The following CA5A variants were observed in gnomAD, a reference collection of about 807,000 sequenced individuals.
CA5A encodes the protein carbonic anhydrase 5A, mitochondrial.
In CA5A, 28 loss-of-function variants were observed where a neutral mutation model predicts 37.1. The ratio of observed to expected loss-of-function variants is 0.75; its 90% CI spans 0.56 to 1.03. The LOEUF is 1.03. Among genes scored for constraint, CA5A ranks in the 50% least tolerant of loss-of-function variants. CA5A has a pLI of 0.00. For synonymous variants in CA5A, 171 were observed against 158.4 expected (o/e 1.08, Z -0.60); for missense variants, 444 against 399.9 (o/e 1.11, Z -0.94).
At chr16:87,912,901 G>A (rs765419215) in intron 2 of CA5A, among the ~76,000 whole-genome samples, 2 of 152,250 alleles carry the variant, frequency 1.3e-5, no homozygotes, top group Non-Finnish European at 2.9e-5. Flanking sequence ...ACTGTCAGGG[G>A]CAGCAGGAGA....
Position 87,932,039 on chromosome 16 carries a change from A to G in CA5A, c.142+4270T>C, listed in dbSNP as rs148570778. On this transcript the variant is annotated intron_variant, in intron 1 of 6. Coordinates refer to ENST00000649794, the MANE Select transcript of CA5A (RefSeq NM_001739.2). ...TGAGGCAGGAGAATCACTTGAACTC[A>G]GGAGGTGGAGGTTGCAGTGAGCTGA... 7.9e-5 allele frequency among the ~76,000 whole-genome samples: 12 copies of G among 151,242 alleles called. No individual in the cohort carries two copies. In the East Asian group the frequency reaches 2.2e-3, roughly 28 times the overall value.
intron 6 of CA5A, 90 bp downstream of exon 6, chr16:87,891,708 CA>C (rs751796776): frequency 1.3e-5 from 15 of 1,144,732 alleles, no homozygotes; most frequent in Admixed American, 3.8e-5. Context: ...TATAACTCCA[CA>C]ACGCTCTCAT....
intron 4 of CA5A, chr16:87,882,231 C>G (rs1452522021): frequency 6.6e-6 from 1 of 152,256 alleles, no homozygotes; most frequent in African/African-American, 2.4e-5. Context: ...GCAGGAAGCC[C>G]AGACAAGTGC....
At chr16:87,898,235 C>G (rs2055830281) in intron 5 of CA5A, among the ~76,000 whole-genome samples, 1 of 152,190 alleles carries the variant, frequency 6.6e-6, no homozygotes. Flanking sequence ...CAACTTGTTC[C>G]TTAACTGGAG....
At chr16:87,935,997 CCT>C (rs1157679022) in intron 1 of CA5A, among the ~76,000 whole-genome samples, 1 of 151,914 alleles carries the variant, frequency 6.6e-6, no homozygotes, top group Non-Finnish European at 1.5e-5. Flanking sequence ...ACAGTGAAAC[CCT>C]GTCTCTACTA....
At chr16:87,933,550 ATTTTTTT>A (rs113398551) in intron 1 of CA5A, among the ~76,000 whole-genome samples, 1 of 141,172 alleles carries the variant, frequency 7.1e-6, no homozygotes, top group African/African-American at 2.6e-5. Context: ...TAATTTTTTA[ATTTTTTT>A]TTTTTTTTAG....
intron 2 of CA5A, among the ~76,000 whole-genome samples, chr16:87,924,988 A>C (rs1287446095): frequency 6.6e-6 from 1 of 152,116 alleles, no homozygotes; most frequent in African/African-American, 2.4e-5. Flanking sequence ...TATGCCTTCA[A>C]CTCTGTTCAT....
At chr16:87,883,087 C>T (rs1405697889), downstream of CA5A, 1 of 152,064 alleles carries the variant, frequency 6.6e-6, no homozygotes, top group Non-Finnish European at 1.5e-5. Context: ...TGGCCACCAT[C>T]TCGGCTCACT....
At chr16:87,923,749 A>G in intron 2 of CA5A, 1 of 985,196 alleles carries the variant, frequency 1.0e-6, no homozygotes, top group South Asian at 4.7e-5. Context: ...CTTAGAGGAA[A>G]CAAATCAGTT....
chr16:87,927,022 G>C, intron 1 of CA5A, 77 bp from the exon 2 acceptor site: 1 of 1,017,102 alleles, frequency 9.8e-7, no homozygotes, highest in Non-Finnish European at 1.5e-6. Context: ...GCAGAAACCC[G>C]GCCGCACGAG....
chr16:87,916,341 A>C (rs2144023223), intron 2 of CA5A, among the ~76,000 whole-genome samples: 1 of 152,154 alleles, frequency 6.6e-6, no homozygotes, highest in African/African-American at 2.4e-5. Context: ...TTTAGTGTAG[A>C]TCCCAAATAT....
chr16:87,881,684 C>A (rs1325102618), exon 5 of CA5A: 2 of 152,232 alleles, frequency 1.3e-5, no homozygotes, highest in African/African-American at 4.8e-5. Flanking sequence ...GAGAGCCCTT[C>A]CCGCAGAGCC....
chr16:87,933,916 A>G (rs2056438692), intron 1 of CA5A, among the ~76,000 whole-genome samples: 1 of 152,152 alleles, frequency 6.6e-6, no homozygotes. Flanking sequence ...GATTTGGCAG[A>G]GCCCTCTGTT....
intron 6 of CA5A, among the ~76,000 whole-genome samples, chr16:87,889,846 T>C (rs530683838): frequency 5.3e-4 from 81 of 152,362 alleles, no homozygotes; most frequent in Admixed American, 1.0e-3. Context: ...AATATACTTA[T>C]GAACCCTGTG....
chr16:87,907,755 C>T (rs1431911886), intron 2 of CA5A, among the ~76,000 whole-genome samples: 1 of 152,030 alleles, frequency 6.6e-6, no homozygotes, highest in Non-Finnish European at 1.5e-5. Context: ...TCAAACCCCA[C>T]CTCTACTAAA....
intron 2 of CA5A, among the ~76,000 whole-genome samples, chr16:87,926,183 C>T (rs1384268804): frequency 6.6e-6 from 1 of 152,102 alleles, no homozygotes; most frequent in Non-Finnish European, 1.5e-5. Flanking sequence ...TGCGCCATGG[C>T]ACTCCATCCT....
chr16:87,903,308 G>A (rs1366168545), intron 3 of CA5A, among the ~76,000 whole-genome samples: 8 of 152,142 alleles, frequency 5.3e-5, no homozygotes, highest in Non-Finnish European at 7.4e-5. Context: ...GCAGGTGCCT[G>A]TAATCCCAGC....
chr16:87,921,412 C>G (rs1219913020), intron 2 of CA5A, among the ~76,000 whole-genome samples: 3 of 152,224 alleles, frequency 2.0e-5, no homozygotes, highest in African/African-American at 7.2e-5. Context: ...CGTGTGGGCA[C>G]TTTTTCAGGA....
At chr16:87,917,424 T>A (rs56807215) in intron 2 of CA5A, among the ~76,000 whole-genome samples, 18,571 of 152,214 alleles carry the variant, frequency 0.12, 1,220 homozygotes, top group Middle Eastern at 0.17. Context: ...TTGGAAGCTG[T>A]TTGGTACGTT....
Sources: allele counts gnomAD v4.1 joint callset (sites outside exome capture counted in the v4.1 genomes callset), GRCh38; gene constraint gnomAD v4.1.1; transcripts MANE v1.5; gene names NCBI Gene and HGNC (gene_info 2026-07-23, HGNC 2026-07-21).